COL4A1: variants seen among roughly 807,000 people sequenced by gnomAD.
COL4A1 encodes the protein collagen type IV alpha 1 chain, also known as collagen alpha-1(IV) chain.
Under a neutral mutation model 216.6 loss-of-function variants are expected in COL4A1, and 40 were observed. The observed-to-expected ratio is 0.18, with a 90% confidence interval of 0.14 to 0.24. COL4A1 has a LOEUF of 0.24. Among genes scored for constraint, COL4A1 ranks in the 10% least tolerant of loss-of-function variants. The probability of loss-of-function intolerance (pLI) is 1.00; values close to 1 mark genes in which losing one functional copy is unlikely to be tolerated. For missense variants in COL4A1, 1,628 were observed against 2,196.8 expected (o/e 0.74, Z 5.18); for synonymous variants, 839 against 810.7 (o/e 1.03, Z -0.59).
intron 46 of COL4A1, among the ~76,000 whole-genome samples, chr13:110,163,984 CTTTTTTTTTTT>C (rs58236306): frequency 2.7e-5 from 3 of 110,232 alleles, no homozygotes; most frequent in African/African-American, 3.4e-5. Context: ...TTCTCTCTCT[CTTTTTTTTTTT>C]TTTTTTTTTT....
intron 2 of COL4A1, among the ~76,000 whole-genome samples, chr13:110,217,573 G>A (rs750587871): frequency 3.9e-5 from 6 of 152,170 alleles, no homozygotes; most frequent in Admixed American, 1.3e-4. Context: ...TATTTAAAAT[G>A]GAAGAAAGAA....
chr13:110,193,631 G>A (rs921434228), intron 22 of COL4A1, among the ~76,000 whole-genome samples: 4 of 152,236 alleles, frequency 2.6e-5, no homozygotes, highest in South Asian at 4.1e-4. Context: ...TCGAGGCGGC[G>A]TGGCCATGTT....
intron 18 of COL4A1, among the ~76,000 whole-genome samples, chr13:110,202,361 A>G (rs1594576869): frequency 6.6e-6 from 1 of 152,216 alleles, no homozygotes; most frequent in Non-Finnish European, 1.5e-5. Context: ...ATTCAAGACA[A>G]GCGGCAAAGT....
intron 42 of COL4A1, among the ~76,000 whole-genome samples, chr13:110,170,293 C>A (rs947373589): frequency 4.6e-5 from 7 of 152,146 alleles, no homozygotes; most frequent in African/African-American, 1.7e-4. Flanking sequence ...CCAACGCCAC[C>A]GACGGGGCAC....
intron 20 of COL4A1, among the ~76,000 whole-genome samples, chr13:110,199,384 A>C (rs1594573166): frequency 6.6e-6 from 1 of 152,290 alleles, no homozygotes; most frequent in South Asian, 2.1e-4. Context: ...GAGAGGGAAG[A>C]GCGCTGACCA....
In COL4A1 at chr13:110,247,790, C is replaced by CGTGTGT. The variant is rs56086913; in HGVS notation, c.85-5062_85-5057dup. Among the ~76,000 whole-genome samples, 516 of 57,750 alleles carry CGTGTGT rather than the reference C, an allele frequency of 8.9e-3. 24 individuals carry two copies. Among genetic ancestry groups the CGTGTGT allele is most frequent in the African/African-American group, 0.028 (431 of 15,316 alleles). 37.9% of individuals were successfully genotyped at this position (57,750 alleles called of 152,430 possible). On this transcript the variant is annotated intron_variant, in intron 1 of 51. Coordinates refer to ENST00000375820, the MANE Select transcript of COL4A1 (RefSeq NM_001845.6). ...GAAGAATACCAGCTGCTATGCTACT[C>CGTGTGT]GTGTGTGTGTGTGTGTGTGTGTGTG... is the stretch of plus-strand genomic sequence containing the variant.
intron 2 of COL4A1, among the ~76,000 whole-genome samples, chr13:110,232,563 T>C (rs1881110954): frequency 6.6e-6 from 1 of 152,136 alleles, no homozygotes; most frequent in South Asian, 2.1e-4. Flanking sequence ...ACACTCTCAT[T>C]TTGCTCCCCT....
chr13:110,286,798 C>T (rs1205759124), intron 1 of COL4A1, among the ~76,000 whole-genome samples: 1 of 152,224 alleles, frequency 6.6e-6, no homozygotes, highest in East Asian at 1.9e-4. Context: ...ATCCCAAATG[C>T]TCACTTTTCC....
chr13:110,153,330 G>T (rs377526111), intron 50 of COL4A1, among the ~76,000 whole-genome samples: 1 of 152,204 alleles, frequency 6.6e-6, no homozygotes, highest in Non-Finnish European at 1.5e-5. Flanking sequence ...CAGAGCCACC[G>T]TCCTGAGAAC....
At chr13:110,254,105 C>A (rs1882403950) in intron 1 of COL4A1, among the ~76,000 whole-genome samples, 2 of 152,182 alleles carry the variant, frequency 1.3e-5, no homozygotes, top group Admixed American at 1.3e-4. Context: ...TTCAGAAGAA[C>A]TCCCAACTGG....
chr13:110,203,035 A>T (rs543624411), intron 18 of COL4A1, among the ~76,000 whole-genome samples: 55 of 152,290 alleles, frequency 3.6e-4, no homozygotes, highest in Non-Finnish European at 7.9e-4. Context: ...CAACATAGTC[A>T]GGCCCTGTCT....
chr13:110,231,110 G>C (rs191370167), intron 2 of COL4A1, among the ~76,000 whole-genome samples: 1 of 152,200 alleles, frequency 6.6e-6, no homozygotes, highest in Admixed American at 6.5e-5. Flanking sequence ...TTTCCAGCCC[G>C]CGTGGTGAGG....
At chr13:110,243,847 G>A (rs889811976) in intron 1 of COL4A1, among the ~76,000 whole-genome samples, 2 of 152,276 alleles carry the variant, frequency 1.3e-5, no homozygotes, top group Admixed American at 6.5e-5. Context: ...ATTATAACAC[G>A]CTAGGACAAA....
At chr13:110,217,421 A>C (rs547423668) in intron 2 of COL4A1, among the ~76,000 whole-genome samples, 1 of 152,348 alleles carries the variant, frequency 6.6e-6, no homozygotes, top group South Asian at 2.1e-4. Flanking sequence ...GAATGTGCAC[A>C]GTTAGAGTCA....
At position 110,170,595 on chromosome 13, in the gene COL4A1, C is replaced by G; in HGVS notation, c.3694G>C (p.Glu1232Gln). The G allele has an allele frequency of 6.2e-7, 1 of 1,610,794 alleles. No individual in the cohort carries two copies. The highest frequency in any genetic ancestry group is 8.5e-7 in the Non-Finnish European group (1 of 1,178,466). Reference protein sequence around the residue: ...GLPGSPGHATEGPKGDRGPQG... With the variant: ...GLPGSPGHATQGPKGDRGPQG... ...GGTCCGCGGTCTCCTTTGGGCCCCT[C>G]CGTGGCATGGCCTGGGGATCCCGGT... Residue 1232 changes from glutamate to glutamine, a missense_variant, in exon 42 of 52, where the codon GAG (glutamate) becomes CAG (glutamine). Physicochemically the swap from Glu to Gln is conservative, Grantham distance 29 (BLOSUM62 2). Transcript: ENST00000375820.
At chr13:110,187,678 C>T (rs1378364858) in intron 24 of COL4A1, among the ~76,000 whole-genome samples, 1 of 152,178 alleles carries the variant, frequency 6.6e-6, no homozygotes, top group Non-Finnish European at 1.5e-5. Context: ...CAGCACCTGT[C>T]AGAAGGTTCT....
At chr13:110,264,045 G>A (rs957441279) in intron 1 of COL4A1, among the ~76,000 whole-genome samples, 8 of 152,142 alleles carry the variant, frequency 5.3e-5, no homozygotes, top group African/African-American at 9.7e-5. Context: ...GGGCTGCTGC[G>A]GCAGCTGTGC....
chr13:110,239,695 G>T (rs73613430), intron 2 of COL4A1, among the ~76,000 whole-genome samples: 1 of 152,134 alleles, frequency 6.6e-6, no homozygotes, highest in Non-Finnish European at 1.5e-5. Context: ...GGGCTGGGAC[G>T]CTCTGAATAT....
intron 46 of COL4A1, 41 bp from the exon 47 acceptor site, chr13:110,163,602 T>TA: frequency 6.5e-7 from 1 of 1,537,072 alleles, no homozygotes. Context: ...TGTATGGCAG[T>TA]AAGCTGTATC....
Sources: allele counts gnomAD v4.1 joint callset (sites outside exome capture counted in the v4.1 genomes callset), GRCh38; gene constraint gnomAD v4.1.1; transcripts MANE v1.5; gene names NCBI Gene and HGNC (gene_info 2026-07-23, HGNC 2026-07-21).